AGPS: variants seen among roughly 807,000 people sequenced by gnomAD.
The protein encoded by AGPS is alkylglycerone phosphate synthase.
Under a neutral mutation model 90.7 loss-of-function variants are expected in AGPS, and 26 were observed. The ratio of observed to expected loss-of-function variants is 0.29; its 90% CI spans 0.21 to 0.40. AGPS has a LOEUF of 0.40. AGPS is among the 10% of genes least tolerant of loss of function. AGPS has a pLI of 1.00. For synonymous variants in AGPS, 294 were observed against 285.3 expected (o/e 1.03, Z -0.31); for missense variants, 540 against 816.1 (o/e 0.66, Z 4.12).
intron 2 of AGPS, among the ~76,000 whole-genome samples, chr2:177,422,638 A>G (rs1464281030): frequency 6.6e-6 from 1 of 152,222 alleles, no homozygotes; most frequent in African/African-American, 2.4e-5. Flanking sequence ...CCCCAAACGT[A>G]TAAATGGGAT....
intron 9 of AGPS, among the ~76,000 whole-genome samples, chr2:177,462,399 AAAAAAAG>A (rs1367179767): frequency 6.6e-6 from 1 of 150,394 alleles, no homozygotes; most frequent in African/African-American, 2.4e-5. Context: ...TCTCAAAAAA[AAAAAAAG>A]AAAAAAGAAA....
At chr2:177,469,345 G>T (rs569569280) in intron 10 of AGPS, among the ~76,000 whole-genome samples, 1 of 152,182 alleles carries the variant, frequency 6.6e-6, no homozygotes, top group East Asian at 1.9e-4. Flanking sequence ...AAAAGAGCAG[G>T]TACAATAAAC....
intron 14 of AGPS, among the ~76,000 whole-genome samples, 184 bp from the exon 15 acceptor site, chr2:177,505,322 T>C (rs1287192070): frequency 6.6e-6 from 1 of 152,016 alleles, no homozygotes; most frequent in East Asian, 1.9e-4. Flanking sequence ...TGGGTAGAAG[T>C]AGTTGAGTTT....
chr2:177,466,558 C>T (rs1436658516), intron 9 of AGPS, among the ~76,000 whole-genome samples: 4 of 152,228 alleles, frequency 2.6e-5, no homozygotes, highest in African/African-American at 9.6e-5. Flanking sequence ...TGCTAAGGGC[C>T]TCCTGCAGGC....
At chr2:177,418,219 G>A (rs1021231547) in intron 1 of AGPS, among the ~76,000 whole-genome samples, 9 of 152,078 alleles carry the variant, frequency 5.9e-5, no homozygotes, top group African/African-American at 2.2e-4. Context: ...TACCCAACTT[G>A]AAAATTTAAG....
In AGPS at chr2:177,535,836, C is replaced by T. The variant is rs192397273; in HGVS notation, c.1856-2238C>T. Among the ~76,000 whole-genome samples the T allele has an allele frequency of 4.2e-4, 64 of 151,924 alleles. 1 individual carries two copies. The highest frequency in any genetic ancestry group is 1.2e-3 in the South Asian group (6 of 4,802). On this transcript the variant is annotated intron_variant, in intron 19 of 19. Transcript: ENST00000264167. ...CAGAAGAAGTGCCAGACCTCTGCCA[C>T]GAAGGGGTTAAATGCTTTTATCAAA...
Position 177,442,475 on chromosome 2 carries a change from A to G in AGPS, c.778A>G (p.Thr260Ala). The change falls in exon 7 of 20, where the codon ACT (threonine) becomes GCT (alanine). Residue 260 changes from threonine (T) to alanine (A), a missense_variant. Thr to Ala is a moderately conservative substitution (Grantham distance 58). Around this residue, in one of 2 missense-constraint regions of AGPS, gnomAD observed 405 missense variants for 692.1 expected, o/e 0.59. Coordinates refer to ENST00000264167, the MANE Select transcript of AGPS (RefSeq NM_003659.4). ...DETRTIISLD[T>A]SQMNRILWVD... ...GACAAGAACAATTATTTCTTTGGAC[A>G]CTTCACAAATGGTATTTAATAATTT... 1 of 1,608,524 alleles carries G rather than the reference A, an allele frequency of 6.2e-7. No individual in the cohort carries two copies. The highest frequency in any genetic ancestry group is 8.5e-7 in the Non-Finnish European group (1 of 1,174,980).
chr2:177,521,639 A>G (rs1689195391), intron 18 of AGPS, among the ~76,000 whole-genome samples: 1 of 152,222 alleles, frequency 6.6e-6, no homozygotes, highest in Admixed American at 6.5e-5. Context: ...GAATTCATTA[A>G]ATTAAATAAC....
At chr2:177,444,872 C>T (rs1686723499) in intron 7 of AGPS, among the ~76,000 whole-genome samples, 1 of 152,062 alleles carries the variant, frequency 6.6e-6, no homozygotes, top group Non-Finnish European at 1.5e-5. Context: ...ATAAGAATGC[C>T]AAATAACATT....
chr2:177,465,120 G>A (rs1221853677), intron 9 of AGPS, among the ~76,000 whole-genome samples: 1 of 151,996 alleles, frequency 6.6e-6, no homozygotes, highest in Non-Finnish European at 1.5e-5. Context: ...AGAGCAAGAT[G>A]TCATCTCTAC....
chr2:177,517,629 A>G (rs1689058869), intron 17 of AGPS, among the ~76,000 whole-genome samples: 1 of 152,166 alleles, frequency 6.6e-6, no homozygotes, highest in Non-Finnish European at 1.5e-5. Flanking sequence ...TTGGAAAAAC[A>G]TTTACATTGC....
rs749747954 is a variant in AGPS at position 177,462,034 on chromosome 2, G to C, written c.996+16G>C. On this transcript the variant is annotated intron_variant, in intron 9 of 19. Coordinates refer to ENST00000264167, the MANE Select transcript of AGPS (RefSeq NM_003659.4). ...CGAGGACCTGGTAAATATTTTTCTA[G>C]TTATTATGTAATAATTGATTAGTAT... The C allele has an allele frequency of 3.2e-6, 5 of 1,582,110 alleles. No homozygotes were observed. In the South Asian group the frequency reaches 5.5e-5, roughly 18 times the overall value.
intron 11 of AGPS, among the ~76,000 whole-genome samples, chr2:177,486,082 T>C (rs1350378940): frequency 6.6e-6 from 1 of 152,212 alleles, no homozygotes; most frequent in Non-Finnish European, 1.5e-5. Flanking sequence ...TAATTGACAG[T>C]TTTTAGAAAT....
At chr2:177,428,827 G>C (rs1385928404) in intron 2 of AGPS, among the ~76,000 whole-genome samples, 2 of 151,996 alleles carry the variant, frequency 1.3e-5, no homozygotes, top group Non-Finnish European at 2.9e-5. Flanking sequence ...TCTTACTGGG[G>C]TTCTCTGGAC....
intron 19 of AGPS, among the ~76,000 whole-genome samples, chr2:177,525,011 C>A (rs1421270079): frequency 6.6e-6 from 1 of 152,190 alleles, no homozygotes; most frequent in Non-Finnish European, 1.5e-5. Flanking sequence ...GAATTCTTAA[C>A]TTAGCCAATA....
chr2:177,401,660 T>G (rs1685333833), intron 1 of AGPS, among the ~76,000 whole-genome samples: 1 of 152,182 alleles, frequency 6.6e-6, no homozygotes, highest in Non-Finnish European at 1.5e-5. Flanking sequence ...TTCTCCTGCT[T>G]CAGCCTCTCA....
At chr2:177,405,675 T>TG (rs1335618354) in intron 1 of AGPS, among the ~76,000 whole-genome samples, 34 of 150,576 alleles carry the variant, frequency 2.3e-4, no homozygotes, top group East Asian at 9.8e-4. Context: ...ATTCTGTTGT[T>TG]TTTTTTTTTT....
At chr2:177,397,540 C>A (rs1002222675) in intron 1 of AGPS, among the ~76,000 whole-genome samples, 8 of 150,362 alleles carry the variant, frequency 5.3e-5, no homozygotes, top group African/African-American at 2.0e-4. Flanking sequence ...AACTTTCATT[C>A]TTCCACACTG....
At chr2:177,479,159 G>A (rs916824376) in intron 10 of AGPS, among the ~76,000 whole-genome samples, 1 of 152,126 alleles carries the variant, frequency 6.6e-6, no homozygotes, top group African/African-American at 2.4e-5. Context: ...GAGAAGGTGG[G>A]GAAGGAAATT....
Sources: allele counts gnomAD v4.1 joint callset (sites outside exome capture counted in the v4.1 genomes callset), GRCh38; gene constraint gnomAD v4.1.1; regional missense constraint gnomAD v4.1.1; transcripts MANE v1.5; gene names NCBI Gene and HGNC (gene_info 2026-07-23, HGNC 2026-07-21).